STAU1: variants seen among roughly 807,000 people sequenced by gnomAD.
STAU1 encodes the protein double-stranded RNA-binding protein Staufen homolog 1.
In STAU1, 13 loss-of-function variants were observed where a neutral mutation model predicts 62.9. The observed-to-expected ratio is 0.21, with a 90% CI of 0.13 to 0.33. The LOEUF (loss-of-function observed/expected upper bound fraction) is 0.33, where lower values mean the gene tolerates loss of function less well. STAU1 is among the 10% of genes least tolerant of loss of function. STAU1 has a pLI of 1.00. For missense variants in STAU1, 571 were observed against 712.1 expected (o/e 0.80, Z 2.25); for synonymous variants, 269 against 265.1 (o/e 1.01, Z -0.14).
intron 1 of STAU1, among the ~76,000 whole-genome samples, chr20:49,175,478 G>A (rs2093647887): frequency 6.6e-6 from 1 of 152,018 alleles, no homozygotes; most frequent in African/African-American, 2.4e-5. Flanking sequence ...TTTAGGCTTT[G>A]TTTGTTCAGG....
At chr20:49,215,026 C>T in the STAU1 span, among the ~76,000 whole-genome samples, 1 of 152,202 alleles carries the variant, frequency 6.6e-6, no homozygotes, top group African/African-American at 2.4e-5. Context: ...TCTGAGGTTG[C>T]TAGTCCAAGG....
chr20:49,182,694 C>T (rs1169430425), intron 1 of STAU1, among the ~76,000 whole-genome samples: 1 of 152,062 alleles, frequency 6.6e-6, no homozygotes, highest in East Asian at 1.9e-4. Flanking sequence ...AAAAAATTAG[C>T]CAGGCATGGT....
At chr20:49,139,867 A>G (rs1236576130) in intron 5 of STAU1, among the ~76,000 whole-genome samples, 1 of 152,108 alleles carries the variant, frequency 6.6e-6, no homozygotes, top group African/African-American at 2.4e-5. Context: ...TGGTTGTACC[A>G]GATTTGGATT....
At chr20:49,200,225 A>ACAAT in the STAU1 span, among the ~76,000 whole-genome samples, 1 of 152,222 alleles carries the variant, frequency 6.6e-6, no homozygotes. Flanking sequence ...AAACCTGGAG[A>ACAAT]CAATCAAAAT....
upstream of STAU1, among the ~76,000 whole-genome samples, chr20:49,192,328 A>G (rs575251725): frequency 5.7e-4 from 85 of 149,842 alleles, no homozygotes; most frequent in Non-Finnish European, 1.0e-3. Context: ...CCTGGGAAAC[A>G]GAGCGAGACT....
chr20:49,215,468 T>A, the STAU1 span, among the ~76,000 whole-genome samples: 1 of 152,274 alleles, frequency 6.6e-6, no homozygotes, highest in African/African-American at 2.4e-5. Flanking sequence ...ATAGGAAACT[T>A]ACACTTTAGA....
chr20:49,213,324 G>A, the STAU1 span, among the ~76,000 whole-genome samples: 3 of 152,092 alleles, frequency 2.0e-5, no homozygotes, highest in African/African-American at 7.2e-5. Context: ...TCCGCCTCCT[G>A]GATTCAAACA....
At chr20:49,161,939 C>A (rs925707955) in intron 3 of STAU1, among the ~76,000 whole-genome samples, 1 of 152,034 alleles carries the variant, frequency 6.6e-6, no homozygotes, top group East Asian at 1.9e-4. Context: ...AGTAACTAAC[C>A]CATGGCAGGC....
At chr20:49,199,521 G>A in the STAU1 span, among the ~76,000 whole-genome samples, 3 of 151,290 alleles carry the variant, frequency 2.0e-5, no homozygotes, top group Non-Finnish European at 4.4e-5. Context: ...GAGCCACCGC[G>A]CCCGGCCATG....
chr20:49,186,366 A>G (rs1261546879), intron 1 of STAU1, among the ~76,000 whole-genome samples: 2 of 152,080 alleles, frequency 1.3e-5, no homozygotes, highest in African/African-American at 4.8e-5. Context: ...AAATTCAAAC[A>G]AACATTTTAA....
At chr20:49,191,848 C>T (rs566311884), upstream of STAU1, among the ~76,000 whole-genome samples, 3 of 151,710 alleles carry the variant, frequency 2.0e-5, no homozygotes, top group South Asian at 2.1e-4. Flanking sequence ...GTCAGGAGTT[C>T]GAGACCAGCC....
In STAU1 at chr20:49,166,156, AGAGAG is replaced by A. The variant is rs1477446264; in HGVS notation, c.41_45del (p.Ala14ValfsTer25). ...TTCTTGTTCAGTATTTGGCTCCCTG[AGAGAG>A]CAGCAGATGGGTTCTGAACTTGCAC... On this transcript the variant is annotated frameshift_variant, in exon 3 of 14. Transcript: ENST00000371856. LOFTEE classifies it high-confidence loss of function. 6.2e-7 allele frequency: 1 copy of A among 1,614,092 alleles called. No individual in the cohort carries two copies. Among genetic ancestry groups the A allele is most frequent in the Non-Finnish European group, 8.5e-7 (1 of 1,180,052 alleles).
rs577186905 is a variant in STAU1 at position 49,132,155 on chromosome 20, A to G, written c.609+3678T>C. Among the ~76,000 whole-genome samples the G allele has an allele frequency of 2.0e-5, 3 of 152,202 alleles. No individual in the cohort carries two copies. The East Asian group carries it at 5.8e-4, about 29-fold the overall frequency. On this transcript the variant is annotated intron_variant, in intron 6 of 13. Coordinates refer to ENST00000371856, the MANE Select transcript of STAU1 (RefSeq NM_017453.4). ...TTAGGCACCCGTGGACTGATTTTAA[A>G]GAACTCCCATAGGTGCCGCCCACAC...
At chr20:49,158,471 T>C in intron 3 of STAU1, 1 of 1,304,722 alleles carries the variant, frequency 7.7e-7, no homozygotes, top group Non-Finnish European at 1.0e-6. Context: ...GTCTTACTTT[T>C]AGGATTCCCT....
the STAU1 span, among the ~76,000 whole-genome samples, chr20:49,194,301 C>T: frequency 6.6e-6 from 1 of 150,714 alleles, no homozygotes; most frequent in Non-Finnish European, 1.5e-5. Context: ...TGGTGGCGCA[C>T]GCCTGTAATC....
At chr20:49,150,503 A>C (rs1039189211) in intron 5 of STAU1, among the ~76,000 whole-genome samples, 1 of 151,848 alleles carries the variant, frequency 6.6e-6, no homozygotes, top group Non-Finnish European at 1.5e-5. Flanking sequence ...CTGGGACTAC[A>C]GGCGCCCACC....
intron 5 of STAU1, among the ~76,000 whole-genome samples, chr20:49,137,341 G>A (rs756451746): frequency 2.0e-5 from 3 of 152,108 alleles, no homozygotes; most frequent in Non-Finnish European, 4.4e-5. Context: ...CTTAAGAGTC[G>A]TCCAATCAGG....
At chr20:49,201,043 T>TAAAAA in the STAU1 span, among the ~76,000 whole-genome samples, 1 of 3,966 alleles carries the variant, frequency 2.5e-4, no homozygotes, top group Non-Finnish European at 1.3e-3. Context: ...AGACCCACTC[T>TAAAAA]CAAAAAAAAA....
upstream of STAU1, among the ~76,000 whole-genome samples, chr20:49,189,644 A>G (rs933351809): frequency 3.4e-5 from 5 of 147,472 alleles, no homozygotes; most frequent in Non-Finnish European, 7.6e-5. Flanking sequence ...AAAAAAAAAG[A>G]ATCTTGAACT....
Sources: gnomAD v4.1 joint callset for allele counts (sites outside exome capture counted in the v4.1 genomes callset) on GRCh38, gnomAD v4.1.1 for gene constraint, MANE v1.5 for transcripts, NCBI Gene and HGNC (gene_info 2026-07-23, HGNC 2026-07-21) for gene names.